The following POTEH variants were observed in gnomAD, a reference collection of about 807,000 sequenced individuals.
The protein encoded by POTEH is POTE ankyrin domain family member H, also known as ANKRD26-like family C member 3.
POTEH carries 6 observed loss-of-function variants against 41.7 expected under a neutral mutation model. The ratio of observed to expected loss-of-function variants is 0.14; its 90% CI spans 0.08 to 0.28. The LOEUF is 0.28. Among genes scored for constraint, POTEH ranks in the 10% least tolerant of loss-of-function variants. The pLI, the probability that POTEH is intolerant of heterozygous loss-of-function variation, is 1.00. For synonymous variants in POTEH, 38 were observed against 179.9 expected (o/e 0.21, Z 6.31); for missense variants, 115 against 533.5 (o/e 0.22, Z 7.73).
chr22:15,713,370 C>T (rs1199936333), intron 9 of POTEH, among the ~76,000 whole-genome samples: 22 of 152,320 alleles, frequency 1.4e-4, no homozygotes, highest in African/African-American at 5.3e-4. Flanking sequence ...CTTTCAGGAC[C>T]TCACTCCCTC....
chr22:15,692,006 A>G (rs1989330133), intron 1 of POTEH, among the ~76,000 whole-genome samples: 1 of 121,448 alleles, frequency 8.2e-6, no homozygotes, highest in African/African-American at 2.9e-5. Context: ...ATATATATAT[A>G]TAAATTTCTT....
chr22:15,714,171 A>G (rs1989882038), intron 9 of POTEH, among the ~76,000 whole-genome samples: 2 of 149,742 alleles, frequency 1.3e-5, no homozygotes, highest in Non-Finnish European at 3.0e-5. Context: ...CCTGAAGAAT[A>G]TGTCCAGAAG....
intron 9 of POTEH, among the ~76,000 whole-genome samples, chr22:15,714,425 G>A (rs1989888496): frequency 1.3e-5 from 2 of 152,052 alleles, no homozygotes; most frequent in African/African-American, 4.8e-5. Context: ...CAACCATCTG[G>A]CATGTTATCT....
chr22:15,690,064 G>A lies in POTEH; in HGVS notation c.-14G>A, dbSNP rs1267541761. On this transcript the variant is annotated 5_prime_UTR_variant, in exon 1 of 11. Coordinates refer to ENST00000343518, the MANE Select transcript of POTEH (RefSeq NM_001136213.1). The stretch of plus-strand genomic sequence containing the variant: ...TGCTGGCTACTACCGGCCTTCCCTG[G>A]CTGTTAAAAGCAGATGGTGGCTGAG... 1.4e-6 allele frequency: 2 copies of A among 1,397,950 alleles called. No individual in the cohort carries two copies. The highest frequency in any genetic ancestry group is 3.0e-5 in the African/African-American group (2 of 66,378). 86.6% of individuals were successfully genotyped at this position (1,397,950 alleles called of 1,614,324 possible). A position where few individuals can be genotyped will look rare whatever the true frequency, so the allele number is the denominator to read the frequency against.
intron 1 of POTEH, among the ~76,000 whole-genome samples, chr22:15,691,275 G>A (rs1180044154): frequency 4.3e-5 from 6 of 140,416 alleles, no homozygotes; most frequent in Admixed American, 3.0e-4. Context: ...TGTAATCCCA[G>A]CACTTTGGGA....
intron 1 of POTEH, among the ~76,000 whole-genome samples, chr22:15,690,982 GC>G (rs1477648169): frequency 7.5e-6 from 1 of 133,054 alleles, no homozygotes; most frequent in Non-Finnish European, 1.7e-5. Context: ...TGTCGATGCA[GC>G]AGATTATTTT....
Position 15,692,002 on chromosome 22 carries a change from AT to A in POTEH, c.632+1294del, listed in dbSNP as rs1444185004. On this transcript the variant is annotated intron_variant, in intron 1 of 10. Coordinates refer to ENST00000343518, the MANE Select transcript of POTEH (RefSeq NM_001136213.1). ...TGCAGATACATATATATATATATAT[AT>A]ATATAAATTTCTTTTTTTTTTTGAT... 1.5e-4 allele frequency among the ~76,000 whole-genome samples: 19 copies of A among 127,978 alleles called. 1 individual carries two copies. The highest frequency in any genetic ancestry group is 2.3e-4 in the Non-Finnish European group (13 of 56,286). 84.0% of individuals were successfully genotyped at this position (127,978 alleles called of 152,430 possible).
chr22:15,690,823 C>T, intron 1 of POTEH, 114 bp downstream of exon 1: 2 of 1,314,862 alleles, frequency 1.5e-6, no homozygotes, highest in South Asian at 2.6e-5. Flanking sequence ...CTCACACCAC[C>T]CTGGATGTGG....
chr22:15,694,381 T>C (rs1275164063), intron 1 of POTEH, among the ~76,000 whole-genome samples: 9 of 85,096 alleles, frequency 1.1e-4, no homozygotes, highest in African/African-American at 3.3e-4. Context: ...AAATCCATTT[T>C]AAAAAGAGAA....
chr22:15,694,761 T>G lies in POTEH; in HGVS notation c.633-610T>G, dbSNP rs1989408321. On this transcript the variant is annotated intron_variant, in intron 1 of 10. Coordinates refer to ENST00000343518, the MANE Select transcript of POTEH (RefSeq NM_001136213.1). ...AGAATTATTTAAATGCCGCCAATTATAGTAAATCATGAATTGTAAGTGGTA... is the reference window on the plus strand; with the variant it reads ...AGAATTATTTAAATGCCGCCAATTAGAGTAAATCATGAATTGTAAGTGGTA... 3.5e-5 allele frequency among the ~76,000 whole-genome samples: 4 copies of G among 115,702 alleles called. 1 individual carries two copies. The South Asian group carries it at 1.2e-3, about 33-fold the overall frequency. The allele number at this position is 115,702 out of a possible 152,430, so 75.9% of individuals were successfully genotyped here.
At chr22:15,702,294 G>A (rs2212137) in intron 5 of POTEH, among the ~76,000 whole-genome samples, 84 of 121,154 alleles carry the variant, frequency 6.9e-4, no homozygotes, top group African/African-American at 2.0e-3. Flanking sequence ...AATTTTTATC[G>A]GAACCTAGGG....
intron 3 of POTEH, among the ~76,000 whole-genome samples, chr22:15,696,035 A>G (rs1270745128): frequency 1.7e-5 from 1 of 60,474 alleles, no homozygotes; most frequent in African/African-American, 5.8e-5. Context: ...ACTTGCGGTA[A>G]ATACTTTTTT....
At chr22:15,691,418 C>G (rs1989307079) in intron 1 of POTEH, among the ~76,000 whole-genome samples, 1 of 124,718 alleles carries the variant, frequency 8.0e-6, no homozygotes, top group Non-Finnish European at 1.8e-5. Context: ...CCCAGCTACT[C>G]AGGAGGCTGA....
rs1989288623 is a variant in POTEH at position 15,690,847 on chromosome 22, T to C, written c.632+138T>C. On this transcript the variant is annotated intron_variant, in intron 1 of 10. Transcript: ENST00000343518. ...CCCTGGATGTGGAAACCTCAGAGAGTTCAGGGCACAGGCCCCTTTATGAGC... is the reference window on the plus strand; with the variant it reads ...CCCTGGATGTGGAAACCTCAGAGAGCTCAGGGCACAGGCCCCTTTATGAGC... 4.4e-6 allele frequency: 5 copies of C among 1,128,410 alleles called. No individual in the cohort carries two copies. The Admixed American group carries it at 1.4e-4, about 32-fold the overall frequency. 69.9% of individuals were successfully genotyped at this position (1,128,410 alleles called of 1,614,324 possible). A position where few individuals can be genotyped will look rare whatever the true frequency, so the allele number is the denominator to read the frequency against.
intron 1 of POTEH, among the ~76,000 whole-genome samples, chr22:15,692,077 C>G (rs1233516261): frequency 2.2e-5 from 3 of 135,098 alleles, no homozygotes; most frequent in Non-Finnish European, 5.0e-5. Flanking sequence ...GCGATCTCAG[C>G]TCACTGCAAC....
chr22:15,710,210 G>A (rs1989778140), intron 8 of POTEH, among the ~76,000 whole-genome samples: 2 of 152,268 alleles, frequency 1.3e-5, no homozygotes, highest in Middle Eastern at 3.2e-3. Flanking sequence ...TGAAATTTGG[G>A]GAGCAACTCA....
chr22:15,710,486 G>T (rs1989788976), intron 8 of POTEH, among the ~76,000 whole-genome samples: 1 of 152,246 alleles, frequency 6.6e-6, no homozygotes, highest in African/African-American at 2.4e-5. Context: ...GAGGGATGAA[G>T]ACACATTTTG....
At position 15,690,150 on chromosome 22, in the gene POTEH, G is replaced by T. The variant is rs751858516; in HGVS notation, c.73G>T (p.Gly25Cys). The change falls in exon 1 of 11, where the codon GGC (glycine) becomes TGC (cysteine). Residue 25 changes from glycine (G) to cysteine (C), a missense_variant. Coordinates refer to ENST00000343518, the MANE Select transcript of POTEH (RefSeq NM_001136213.1). ...KKPFGLRSKM[G>C]KWCRHCFAWC... is the part of the protein sequence containing the mutation. The stretch of plus-strand genomic sequence containing the variant: ...GCCATTTGGTCTCAGAAGCAAGATG[G>T]GCAAGTGGTGCCGCCACTGCTTCGC... 7.2e-7 allele frequency: 1 copy of T among 1,392,860 alleles called. No individual in the cohort carries two copies. Among genetic ancestry groups the T allele is most frequent in the African/African-American group, 1.5e-5 (1 of 65,566 alleles). The allele number at this position is 1,392,860 out of a possible 1,614,324, so 86.3% of individuals were successfully genotyped here.
intron 6 of POTEH, among the ~76,000 whole-genome samples, chr22:15,707,806 CAT>C (rs761393389): frequency 1.2e-3 from 183 of 148,080 alleles, no homozygotes; most frequent in Admixed American, 9.8e-3. Flanking sequence ...GAATTTTTAA[CAT>C]GTGTGTATGT....
Sources: allele counts gnomAD v4.1 joint callset (sites outside exome capture counted in the v4.1 genomes callset), GRCh38; gene constraint gnomAD v4.1.1; transcripts MANE v1.5; gene names NCBI Gene and HGNC (gene_info 2026-07-23, HGNC 2026-07-21).